AFAP1L1: variants seen among roughly 807,000 people sequenced by gnomAD.
The protein encoded by AFAP1L1 is actin filament-associated protein 1-like 1.
In AFAP1L1, 77 loss-of-function variants were observed where a neutral mutation model predicts 99.8. The observed-to-expected ratio is 0.77, with a 90% CI of 0.64 to 0.93. The LOEUF is 0.93. AFAP1L1 is among the 40% of genes least tolerant of loss of function. AFAP1L1 has a pLI of 0.00. For synonymous variants in AFAP1L1, 373 were observed against 395.3 expected, an observed-to-expected ratio of 0.94 and a Z score of 0.67; for missense variants, 893 against 996.8, an observed-to-expected ratio of 0.90 and a Z score of 1.40.
intron 1 of AFAP1L1, among the ~76,000 whole-genome samples, chr5:149,279,852 T>A (rs991327648): frequency 6.6e-6 from 1 of 152,192 alleles, no homozygotes; most frequent in African/African-American, 2.4e-5. Flanking sequence ...TATGACTTCC[T>A]CAAGGCAATG....
At chr5:149,274,222 A>G (rs1042232116) in intron 1 of AFAP1L1, among the ~76,000 whole-genome samples, 1 of 152,232 alleles carries the variant, frequency 6.6e-6, no homozygotes, top group African/African-American at 2.4e-5. Context: ...ATCTGCTGAC[A>G]CTGCACCTGG....
rs147685948 is a variant in AFAP1L1 at position 149,315,836 on chromosome 5, A to C, written c.1036A>C (p.Lys346Gln). 9 of 1,613,966 alleles carry C rather than the reference A, an allele frequency of 5.6e-6. No individual in the cohort carries two copies. In the African/African-American group the frequency reaches 1.1e-4, roughly 19 times the overall value. ...CCCTCCTCAGAGGCTGTCCCAAGAG[A>C]AGCAGACCTCAGATTCTGACAGCGT... ...LDLDKRLSQE[K>Q]QTSDSDSVGV... The change falls in exon 10 of 19, where the codon AAG (lysine) becomes CAG (glutamine). Residue 346 changes from lysine to glutamine, a missense_variant. Coordinates refer to ENST00000296721, the MANE Select transcript of AFAP1L1 (RefSeq NM_152406.4).
intron 2 of AFAP1L1, 68 bp from the exon 3 acceptor site, chr5:149,300,203 A>G: frequency 5.3e-6 from 6 of 1,141,442 alleles, no homozygotes; most frequent in Non-Finnish European, 7.6e-6. Flanking sequence ...GGCTAGAAGT[A>G]TGAGTGGGAC....
chr5:149,292,387 G>A (rs1252080280), intron 1 of AFAP1L1, among the ~76,000 whole-genome samples: 3 of 152,072 alleles, frequency 2.0e-5, no homozygotes, highest in Non-Finnish European at 4.4e-5. Context: ...ACTTTTTATT[G>A]GTAGCTTAAT....
chr5:149,290,124 T>C (rs1320249244), intron 1 of AFAP1L1, among the ~76,000 whole-genome samples: 1 of 152,170 alleles, frequency 6.6e-6, no homozygotes, highest in East Asian at 1.9e-4. Flanking sequence ...TCCAAGCTAC[T>C]CGGGAGGCTG....
Position 149,340,808 on chromosome 5 carries a change from A to T in AFAP1L1, c.*778A>T, listed in dbSNP as rs763210713. ...TGTTGTAGGGTAGGGTCTCTCAGTAAATCAAGTCCCTTACCTATGTTCTGA... is the reference window on the plus strand; with the variant it reads ...TGTTGTAGGGTAGGGTCTCTCAGTATATCAAGTCCCTTACCTATGTTCTGA... On this transcript the variant is annotated 3_prime_UTR_variant, in exon 19 of 19. Coordinates refer to ENST00000296721, the MANE Select transcript of AFAP1L1 (RefSeq NM_152406.4). 2.6e-5 allele frequency: 4 copies of T among 152,186 alleles called. No homozygotes were observed. Among genetic ancestry groups the T allele is most frequent in the Non-Finnish European group, 5.9e-5 (4 of 68,022 alleles). The allele number at this position is 152,186 out of a possible 1,614,324, so 9.4% of individuals were successfully genotyped here. A position where few individuals can be genotyped will look rare whatever the true frequency, so the allele number is the denominator to read the frequency against.
At chr5:149,318,085 C>A in intron 12 of AFAP1L1, 145 bp downstream of exon 12, 1 of 921,224 alleles carries the variant, frequency 1.1e-6, no homozygotes, top group Non-Finnish European at 1.6e-6. Context: ...TCAGGTGACC[C>A]AAGTAGATTA....
intron 18 of AFAP1L1, among the ~76,000 whole-genome samples, chr5:149,339,391 A>G (rs1229510039): frequency 1.3e-5 from 2 of 151,998 alleles, no homozygotes; most frequent in African/African-American, 4.8e-5. Context: ...GGGGGGTTTC[A>G]CCATGTTGGT....
chr5:149,280,815 C>T (rs1755493505), intron 1 of AFAP1L1, among the ~76,000 whole-genome samples: 1 of 152,108 alleles, frequency 6.6e-6, no homozygotes, highest in South Asian at 2.1e-4. Context: ...GCTTCTCCCT[C>T]CCCTTCCCTC....
chr5:149,330,269 C>T (rs1407311545), intron 16 of AFAP1L1, among the ~76,000 whole-genome samples: 1 of 152,170 alleles, frequency 6.6e-6, no homozygotes, highest in African/African-American at 2.4e-5. Context: ...CTTCTGAAAC[C>T]CAGGGACCTC....
chr5:149,272,266 C>T (rs1755146008), intron 1 of AFAP1L1, among the ~76,000 whole-genome samples: 1 of 152,248 alleles, frequency 6.6e-6, no homozygotes, highest in Admixed American at 6.5e-5. Flanking sequence ...AAAGATCCCC[C>T]TCTAGTTTCC....
rs1424611758 is a variant in AFAP1L1, at chr5:149,343,613, G to C, written c.*3583G>C. Among the ~76,000 whole-genome samples, 6 of 152,106 alleles carry C rather than the reference G, an allele frequency of 3.9e-5. No individual in the cohort carries two copies. Among genetic ancestry groups the C allele is most frequent in the Admixed American group, 6.6e-5 (1 of 15,248 alleles). Reference sequence around the variant, plus strand: ...AAAAAACCTTAACAAGGAAGCAAAAGAAATAAAATACTAAGAAACTAAAAG... The same window carrying C: ...AAAAAACCTTAACAAGGAAGCAAAACAAATAAAATACTAAGAAACTAAAAG... On this transcript the variant is annotated 3_prime_UTR_variant, in exon 19 of 19. Transcript: ENST00000296721.
At chr5:149,292,456 T>C (rs10074294) in intron 1 of AFAP1L1, among the ~76,000 whole-genome samples, 118 of 152,280 alleles carry the variant, frequency 7.7e-4, no homozygotes, top group African/African-American at 2.8e-3. Context: ...GAGGAGAAGA[T>C]AGAAAAGTGA....
In AFAP1L1 at chr5:149,316,058, C is replaced by A. The variant is rs144951728; in HGVS notation, c.1115-93C>A. The A allele has an allele frequency of 1.9e-6, 3 of 1,582,804 alleles. No individual in the cohort carries two copies. The African/African-American group carries it at 4.0e-5, about 21-fold the overall frequency. On this transcript the variant is annotated intron_variant, in intron 10 of 18. Transcript: ENST00000296721. ...CCTGCCATCCCTGGAGCTGCAGGCC[C>A]ATCCTGTATGCAGGCTGAAAAGGCC...
chr5:149,332,837 C>T lies in AFAP1L1; in HGVS notation c.2118C>T (p.Ala706=). The change falls in exon 17 of 19, where the codon GCC becomes GCT. Residue 706 remains alanine (A), a synonymous_variant. Transcript: ENST00000296721. Reference sequence around the variant, plus strand: ...AGCAGTCCCTGGCAGGAGGGCCAGCCCTGGGGCTCTCCGTGAGCAGCAAGC... The same window carrying T: ...AGCAGTCCCTGGCAGGAGGGCCAGCTCTGGGGCTCTCCGTGAGCAGCAAGC... ...RLQQSLAGGP[A]LGLSVSSKPK... is the part of the protein sequence containing the mutation. 1.2e-6 allele frequency: 2 copies of T among 1,609,858 alleles called. No individual in the cohort carries two copies. Among genetic ancestry groups the T allele is most frequent in the Non-Finnish European group, 1.7e-6 (2 of 1,178,938 alleles).
intron 1 of AFAP1L1, among the ~76,000 whole-genome samples, chr5:149,296,820 C>T (rs1756033321): frequency 6.6e-6 from 1 of 152,112 alleles, no homozygotes; most frequent in Admixed American, 6.5e-5. Flanking sequence ...TTAATTGACT[C>T]ACAATTCATC....
rs114880121 is a variant in AFAP1L1, at chr5:149,330,299, G to C, written c.1975+469G>C. Among the ~76,000 whole-genome samples, 1,308 of 152,228 alleles carry C rather than the reference G, an allele frequency of 8.6e-3. 7 individuals carry two copies. The highest frequency in any genetic ancestry group is 0.014 in the Non-Finnish European group (928 of 68,002). On this transcript the variant is annotated intron_variant, in intron 16 of 18. Transcript: ENST00000296721. Reference sequence around the variant, plus strand: ...GACCTCAGCAGGCCCTGCCTGCTTTGGGCTTCTCCACACCCTATTTTCTGC... The same window carrying C: ...GACCTCAGCAGGCCCTGCCTGCTTTCGGCTTCTCCACACCCTATTTTCTGC...
chr5:149,273,830 T>C (rs927244837), intron 1 of AFAP1L1, among the ~76,000 whole-genome samples: 1 of 145,064 alleles, frequency 6.9e-6, no homozygotes, highest in African/African-American at 2.6e-5. Context: ...TCCCCACCAG[T>C]TTTTAAATAC....
At position 149,329,833 on chromosome 5, in the gene AFAP1L1, A is replaced by T. The variant is rs766328636; in HGVS notation, c.1975+3A>T. The T allele has an allele frequency of 6.2e-7, 1 of 1,605,256 alleles. No homozygotes were observed. Among genetic ancestry groups the T allele is most frequent in the Non-Finnish European group, 8.5e-7 (1 of 1,175,942 alleles). ...GGAAGCCATTCGGAGCAGCCCAGGT[A>T]CCTATGTGGGTGTGGTCCTGAGCAC... On this transcript the variant is annotated splice_donor_region_variant and intron_variant, in intron 16 of 18. Coordinates refer to ENST00000296721, the MANE Select transcript of AFAP1L1 (RefSeq NM_152406.4).
Sources: gnomAD v4.1 joint callset for allele counts (sites outside exome capture counted in the v4.1 genomes callset) on GRCh38, gnomAD v4.1.1 for gene constraint, MANE v1.5 for transcripts, NCBI Gene and HGNC (gene_info 2026-07-23, HGNC 2026-07-21) for gene names.